KIAA2012: variants seen among roughly 807,000 people sequenced by gnomAD.
The protein encoded by KIAA2012 is uncharacterized protein KIAA2012.
A neutral mutation model predicts 150.6 loss-of-function variants in KIAA2012; 125 were observed. The ratio of observed to expected loss-of-function variants is 0.83; its 90% CI spans 0.72 to 0.96. KIAA2012 has a LOEUF of 0.96. Among genes scored for constraint, KIAA2012 ranks in the 40% least tolerant of loss-of-function variants. The pLI is 0.00. For synonymous variants in KIAA2012, 462 were observed against 504.7 expected (o/e 0.92, Z 1.13); for missense variants, 1,219 against 1,354.9 (o/e 0.90, Z 1.57).
chr2:202,147,875 T>C (rs1691334018), intron 13 of KIAA2012, among the ~76,000 whole-genome samples: 2 of 152,050 alleles, frequency 1.3e-5, no homozygotes, highest in Non-Finnish European at 2.9e-5. Context: ...TCTCCCAGTC[T>C]AAAATAGAAT....
intron 13 of KIAA2012, among the ~76,000 whole-genome samples, chr2:202,143,253 T>G (rs1691229954): frequency 6.6e-6 from 1 of 151,782 alleles, no homozygotes; most frequent in Non-Finnish European, 1.5e-5. Context: ...CCCAGCTAAT[T>G]TTTTTGTATT....
intron 17 of KIAA2012, among the ~76,000 whole-genome samples, chr2:202,187,537 C>T (rs1692252217): frequency 6.6e-6 from 1 of 152,172 alleles, no homozygotes; most frequent in African/African-American, 2.4e-5. Context: ...GAACTCCTGA[C>T]CTCAAGTGAT....
intron 11 of KIAA2012, chr2:202,115,433 T>G (rs1235037890): frequency 6.6e-6 from 1 of 152,058 alleles, no homozygotes; most frequent in Non-Finnish European, 1.5e-5. Flanking sequence ...TGCTCAAGTT[T>G]CCCCCAAATA....
chr2:202,160,886 T>C (rs1464130688), intron 14 of KIAA2012, among the ~76,000 whole-genome samples: 1 of 152,174 alleles, frequency 6.6e-6, no homozygotes, highest in African/African-American at 2.4e-5. Context: ...TGATAGGTCA[T>C]GCAGCTGGCT....
At chr2:202,132,433 GA>G (rs1399399098) in intron 12 of KIAA2012, among the ~76,000 whole-genome samples, 4 of 151,892 alleles carry the variant, frequency 2.6e-5, no homozygotes, top group African/African-American at 9.7e-5. Flanking sequence ...TTGGGAGGCC[GA>G]GGCAGGCAGA....
At chr2:202,200,827 C>T (rs1397668447) in intron 22 of KIAA2012, among the ~76,000 whole-genome samples, 2 of 151,224 alleles carry the variant, frequency 1.3e-5, no homozygotes, top group Non-Finnish European at 2.9e-5. Flanking sequence ...CTGCCTCAGC[C>T]TCCTGAGTAG....
At position 202,100,182 on chromosome 2, in the gene KIAA2012, T is replaced by TC. The variant is rs1344033412; in HGVS notation, c.1013-122dup. On this transcript the variant is annotated intron_variant, in intron 6 of 23. Transcript: ENST00000498697. ...CCTGCCTCCCCCAAAGCTAGGGCTG[T>TC]CCCAGTGCCCCAGCACACTGCCTGC... 3.8e-6 allele frequency: 4 copies of TC among 1,044,378 alleles called. No individual in the cohort carries two copies. In the African/African-American group the frequency reaches 6.4e-5, roughly 17 times the overall value. The allele number at this position is 1,044,378 out of a possible 1,614,324, so 64.7% of individuals were successfully genotyped here. A position where few individuals can be genotyped will look rare whatever the true frequency, so the allele number is the denominator to read the frequency against.
intron 22 of KIAA2012, among the ~76,000 whole-genome samples, chr2:202,201,139 G>T (rs1559236808): frequency 6.6e-6 from 1 of 152,072 alleles, no homozygotes; most frequent in Admixed American, 6.5e-5. Context: ...GGGCAGCTTC[G>T]CCCACATTCA....
intron 4 of KIAA2012, among the ~76,000 whole-genome samples, chr2:202,094,818 C>A (rs190133548): frequency 2.0e-4 from 30 of 152,270 alleles, no homozygotes; most frequent in African/African-American, 6.3e-4. Context: ...CGCTCTCGGC[C>A]TCAGGGCTTT....
At chr2:202,189,648 G>A (rs1485213178) in intron 18 of KIAA2012, among the ~76,000 whole-genome samples, 1 of 152,052 alleles carries the variant, frequency 6.6e-6, no homozygotes, top group Non-Finnish European at 1.5e-5. Flanking sequence ...AAGAGGATAA[G>A]GTAGTTTCTC....
chr2:202,150,708 G>T (rs540587030), intron 13 of KIAA2012, among the ~76,000 whole-genome samples: 6 of 152,000 alleles, frequency 3.9e-5, no homozygotes, highest in Non-Finnish European at 5.9e-5. Context: ...TCAGCCTCCC[G>T]CAGTCCTGGG....
At chr2:202,085,552 A>G (rs1689546328) in intron 2 of KIAA2012, among the ~76,000 whole-genome samples, 2 of 152,178 alleles carry the variant, frequency 1.3e-5, no homozygotes, top group African/African-American at 2.4e-5. Flanking sequence ...AGGCAGGGAA[A>G]CAGATTCTTC....
chr2:202,203,772 CTT>C (rs34967234), intron 23 of KIAA2012, among the ~76,000 whole-genome samples: 13 of 143,956 alleles, frequency 9.0e-5, no homozygotes, highest in South Asian at 2.2e-4. Flanking sequence ...ACCAGGATGT[CTT>C]TTTTTTTTTT....
chr2:202,182,445 C>T (rs1692141667), intron 15 of KIAA2012, among the ~76,000 whole-genome samples: 1 of 152,100 alleles, frequency 6.6e-6, no homozygotes, highest in African/African-American at 2.4e-5. Flanking sequence ...ATTTCTTTCA[C>T]TCAACATAAT....
At position 202,073,404 on chromosome 2, in the gene KIAA2012, G is replaced by A. The variant is rs1034789469; in HGVS notation, c.-224G>A. 22 of 481,236 alleles carry A rather than the reference G, an allele frequency of 4.6e-5. No individual in the cohort carries two copies. The highest frequency in any genetic ancestry group is 9.8e-5 in the Admixed American group (3 of 30,526). 29.8% of individuals were successfully genotyped at this position (481,236 alleles called of 1,614,324 possible). ...AATCCAGGGCTTGAGGAGGCTGGCT[G>A]TGCGGTTTATTTTTTCTCTCCACAA... On this transcript the variant is annotated 5_prime_UTR_variant, in exon 1 of 24. It adds an upstream start codon to the 5' untranslated region. Transcript: ENST00000498697.
chr2:202,163,490 G>C (rs1445515395), intron 14 of KIAA2012, among the ~76,000 whole-genome samples: 1 of 152,154 alleles, frequency 6.6e-6, no homozygotes, highest in Non-Finnish European at 1.5e-5. Flanking sequence ...TTCAAATTAA[G>C]ACTATTTCTT....
At chr2:202,151,999 A>G (rs1234785910) in intron 13 of KIAA2012, among the ~76,000 whole-genome samples, 3 of 152,188 alleles carry the variant, frequency 2.0e-5, no homozygotes, top group African/African-American at 7.2e-5. Flanking sequence ...TCCTGAACTC[A>G]GGCAATCCTC....
At chr2:202,139,833 C>T (rs13416610) in intron 13 of KIAA2012, among the ~76,000 whole-genome samples, 1,907 of 152,050 alleles carry the variant, frequency 0.013, 35 homozygotes, top group African/African-American at 0.042. Context: ...TTTGATAATT[C>T]TGCAACCCAA....
intron 5 of KIAA2012, among the ~76,000 whole-genome samples, chr2:202,099,165 T>A (rs1379980394): frequency 6.6e-6 from 1 of 151,726 alleles, no homozygotes; most frequent in East Asian, 1.9e-4. Flanking sequence ...TTTTTAAAAT[T>A]TTTTTGTAGA....
Sources: gnomAD v4.1 joint callset for allele counts (sites outside exome capture counted in the v4.1 genomes callset) on GRCh38, gnomAD v4.1.1 for gene constraint, MANE v1.5 for transcripts, NCBI Gene and HGNC (gene_info 2026-07-23, HGNC 2026-07-21) for gene names.